Variants in LRRC36 observed in about 807,000 individuals in gnomAD.
The protein encoded by LRRC36 is leucine rich repeat containing 36, also known as leucine-rich repeat-containing protein 36.
Under a neutral mutation model 81.1 loss-of-function variants are expected in LRRC36, and 62 were observed. The observed-to-expected ratio is 0.76, with a 90% confidence interval of 0.62 to 0.94. The LOEUF (loss-of-function observed/expected upper bound fraction) is 0.94, where lower values mean the gene tolerates loss of function less well. Ranked by LOEUF, LRRC36 falls within the 40% of genes least tolerant of loss-of-function variation. The pLI is 0.00. For missense variants in LRRC36, 761 were observed against 881.7 expected, an observed-to-expected ratio of 0.86 and a Z score of 1.73; for synonymous variants, 334 against 348.6, an observed-to-expected ratio of 0.96 and a Z score of 0.47.
At chr16:67,340,646 A>T (rs913817050) in intron 1 of LRRC36, among the ~76,000 whole-genome samples, 1 of 150,962 alleles carries the variant, frequency 6.6e-6, no homozygotes, top group Non-Finnish European at 1.5e-5. Context: ...AAAGAGCAAG[A>T]CTCCATCTCA....
chr16:67,361,222 G>C (rs2039130434), intron 5 of LRRC36, among the ~76,000 whole-genome samples: 1 of 152,006 alleles, frequency 6.6e-6, no homozygotes, highest in African/African-American at 2.4e-5. Flanking sequence ...ATAGAGATGG[G>C]GGTCTCACTA....
rs186071013 is a variant in LRRC36, at chr16:67,335,390, T to G, written c.71-6567T>G. 1.1e-4 allele frequency among the ~76,000 whole-genome samples: 17 copies of G among 152,318 alleles called. No individual in the cohort carries two copies. In the East Asian group the frequency reaches 3.3e-3, roughly 29 times the overall value. The stretch of plus-strand genomic sequence containing the variant: ...TCTGTTCCACCTGGCTCACCGGCAA[T>G]CAGAGTTTAAAGGTTATCTCTCTTG... On this transcript the variant is annotated intron_variant, in intron 1 of 13. Coordinates refer to ENST00000329956, the MANE Select transcript of LRRC36 (RefSeq NM_018296.6).
At chr16:67,347,258 G>T in intron 3 of LRRC36, 1 of 528,622 alleles carries the variant, frequency 1.9e-6, no homozygotes, top group Non-Finnish European at 3.2e-6. Context: ...TCCAAGCTCT[G>T]CTTTCCTGAA....
Position 67,346,329 on chromosome 16 carries a change from C to A in LRRC36, c.272C>A (p.Ser91Tyr). The A allele has an allele frequency of 6.2e-7, 1 of 1,612,070 alleles. No homozygotes were observed. The highest frequency in any genetic ancestry group is 2.2e-5 in the East Asian group (1 of 44,844). ...YNNIPSLVEV[S>Y]RLQPLPFLKE... Reference sequence around the variant, plus strand: ...AACATTCCTTCATTAGTGGAAGTGTCCCGTCTACAACCGTTACCCTTCCTC... The same window carrying A: ...AACATTCCTTCATTAGTGGAAGTGTACCGTCTACAACCGTTACCCTTCCTC... The change falls in exon 3 of 14, where the codon TCC becomes TAC. Residue 91 changes from serine (S) to tyrosine (Y), a missense_variant. By Grantham distance (144) the Ser-to-Tyr change is moderately radical (BLOSUM62 -2). Around this residue, in one of 3 missense-constraint regions of LRRC36, gnomAD observed 263 missense variants for 279.3 expected, o/e 0.94. Coordinates refer to ENST00000329956, the MANE Select transcript of LRRC36 (RefSeq NM_018296.6).
In LRRC36 at chr16:67,381,637, C is replaced by T. The variant is rs570895387; in HGVS notation, c.1931-496C>T. Among the ~76,000 whole-genome samples, 8 of 151,806 alleles carry T rather than the reference C, an allele frequency of 5.3e-5. No individual in the cohort carries two copies. The South Asian group carries it at 6.2e-4, about 12-fold the overall frequency. Reference sequence around the variant, plus strand: ...ATGTGCAATATTTTTTTTTTTGAGACGGAGTCTCACTCTGTTGCCCAGGCT... The same window carrying T: ...ATGTGCAATATTTTTTTTTTTGAGATGGAGTCTCACTCTGTTGCCCAGGCT... On this transcript the variant is annotated intron_variant, in intron 12 of 13. Coordinates refer to ENST00000329956, the MANE Select transcript of LRRC36 (RefSeq NM_018296.6).
chr16:67,340,845 C>CACATATACGCTATAGAATATATACT (rs2038005690), intron 1 of LRRC36, among the ~76,000 whole-genome samples: 1 of 48,722 alleles, frequency 2.1e-5, no homozygotes, highest in Non-Finnish European at 3.9e-5. Flanking sequence ...GAATATATAC[C>CACATATACGCTATAGAATATATACT]ACATATACTC....
chr16:67,362,190 T>TCTTG (rs2039181595), intron 5 of LRRC36: 1 of 453,212 alleles, frequency 2.2e-6, no homozygotes. Context: ...CGAGAAAGAG[T>TCTTG]CTTGCTCTGT....
chr16:67,380,013 T>C (rs1567505090), intron 12 of LRRC36, among the ~76,000 whole-genome samples: 1 of 152,164 alleles, frequency 6.6e-6, no homozygotes, highest in Non-Finnish European at 1.5e-5. Context: ...AATAAAATGA[T>C]TTTAAATTAT....
chr16:67,341,012 C>A (rs1270216674), intron 1 of LRRC36, among the ~76,000 whole-genome samples: 2 of 90,058 alleles, frequency 2.2e-5, no homozygotes, highest in Non-Finnish European at 4.1e-5. Context: ...AATATGTATT[C>A]TATAGAATAT....
intron 1 of LRRC36, among the ~76,000 whole-genome samples, chr16:67,329,470 T>A (rs2037366912): frequency 6.6e-6 from 1 of 151,852 alleles, no homozygotes; most frequent in South Asian, 2.1e-4. Flanking sequence ...TTTTTGTATT[T>A]TTAGTAGAGA....
At chr16:67,346,504 C>G (rs1318279735) in intron 3 of LRRC36, 56 bp downstream of exon 3, 1 of 1,225,292 alleles carries the variant, frequency 8.2e-7, no homozygotes, top group Non-Finnish European at 1.1e-6. Flanking sequence ...ATCAGCTGCC[C>G]CTTAACCTTT....
intron 1 of LRRC36, among the ~76,000 whole-genome samples, chr16:67,334,151 C>T (rs2037639651): frequency 6.6e-6 from 1 of 151,778 alleles, no homozygotes; most frequent in Non-Finnish European, 1.5e-5. Flanking sequence ...CCTGCCTCAG[C>T]CTCCCGAGTA....
At chr16:67,348,639 A>G (rs1035241412) in intron 4 of LRRC36, 5 of 152,126 alleles carry the variant, frequency 3.3e-5, no homozygotes, top group African/African-American at 1.2e-4. Context: ...TTTTAATTTA[A>G]CAAGCTATCA....
intron 1 of LRRC36, among the ~76,000 whole-genome samples, chr16:67,331,968 AAG>A (rs1352244428): frequency 6.6e-6 from 1 of 152,068 alleles, no homozygotes; most frequent in African/African-American, 2.4e-5. Flanking sequence ...AGCCTGGGCA[AAG>A]AGAGCGAAAC....
intron 1 of LRRC36, among the ~76,000 whole-genome samples, chr16:67,332,867 T>A (rs2037562889): frequency 6.6e-6 from 1 of 151,378 alleles, no homozygotes; most frequent in African/African-American, 2.4e-5. Flanking sequence ...GTCAGGAAAA[T>A]TTTATTTATT....
intron 1 of LRRC36, among the ~76,000 whole-genome samples, chr16:67,331,365 A>C (rs1161818317): frequency 6.6e-6 from 1 of 151,948 alleles, no homozygotes; most frequent in Non-Finnish European, 1.5e-5. Context: ...CTCTACAAAA[A>C]ATTTAAAAAT....
At chr16:67,367,868 T>C (rs1241677599) in intron 8 of LRRC36, among the ~76,000 whole-genome samples, 1 of 152,130 alleles carries the variant, frequency 6.6e-6, no homozygotes, top group Non-Finnish European at 1.5e-5. Flanking sequence ...CTGGCCAACA[T>C]GGTGAAACCC....
chr16:67,346,510 C>A, intron 3 of LRRC36, 62 bp downstream of exon 3: 1 of 1,131,568 alleles, frequency 8.8e-7, no homozygotes, highest in Non-Finnish European at 1.2e-6. Flanking sequence ...TGCCCCTTAA[C>A]CTTTTGGATG....
chr16:67,366,674 T>A lies in LRRC36; in HGVS notation c.755-343T>A, dbSNP rs561233955. Reference sequence around the variant, plus strand: ...CTGAGGTACGAGAATCGCTTCCCTCTGGGAAGCGAAGGTTGCACTGAGCTG... The same window carrying A: ...CTGAGGTACGAGAATCGCTTCCCTCAGGGAAGCGAAGGTTGCACTGAGCTG... On this transcript the variant is annotated intron_variant, in intron 7 of 13. Coordinates refer to ENST00000329956, the MANE Select transcript of LRRC36 (RefSeq NM_018296.6). 9.9e-5 allele frequency among the ~76,000 whole-genome samples: 15 copies of A among 151,576 alleles called. 1 individual carries two copies. Among genetic ancestry groups the A allele is most frequent in the African/African-American group, 3.6e-4 (15 of 41,220 alleles).
Sources: allele counts gnomAD v4.1 joint callset (sites outside exome capture counted in the v4.1 genomes callset), GRCh38; gene constraint gnomAD v4.1.1; regional missense constraint gnomAD v4.1.1; transcripts MANE v1.5; gene names NCBI Gene and HGNC (gene_info 2026-07-23, HGNC 2026-07-21).